Variants in RBFOX1 observed in about 807,000 individuals in gnomAD.
RBFOX1 encodes RNA binding protein fox-1 homolog 1.
A neutral mutation model predicts 57.7 loss-of-function variants in RBFOX1; 8 were observed. That is an observed-to-expected ratio of 0.14 (90% confidence interval 0.08 to 0.25). The LOEUF (loss-of-function observed/expected upper bound fraction) is 0.25, where lower values mean the gene tolerates loss of function less well. Among genes scored for constraint, RBFOX1 ranks in the 10% least tolerant of loss-of-function variants. The probability of loss-of-function intolerance (pLI) is 1.00; values close to 1 mark genes in which losing one functional copy is unlikely to be tolerated. For synonymous variants in RBFOX1, 326 were observed against 222.4 expected, an observed-to-expected ratio of 1.47 and a Z score of -4.15; for missense variants, 611 against 548.5, an observed-to-expected ratio of 1.11 and a Z score of -1.14.
intron 4 of RBFOX1, among the ~76,000 whole-genome samples, chr16:7,399,263 C>T (rs2098195704): frequency 6.6e-6 from 1 of 151,480 alleles, no homozygotes; most frequent in African/African-American, 2.5e-5. Flanking sequence ...GCTTGACCAA[C>T]ACGGAGAAAC....
intron 4 of RBFOX1, among the ~76,000 whole-genome samples, chr16:7,372,387 T>G (rs1596712919): frequency 6.6e-6 from 1 of 152,196 alleles, no homozygotes; most frequent in African/African-American, 2.4e-5. Context: ...GATACTTGCC[T>G]TGGTAATAGG....
At chr16:5,277,365 T>A (rs1484974957) in intron 1 of RBFOX1, among the ~76,000 whole-genome samples, 1 of 152,160 alleles carries the variant, frequency 6.6e-6, no homozygotes, top group Non-Finnish European at 1.5e-5. Flanking sequence ...GCTCTGGCGA[T>A]GGGTGTGCCA....
intron 3 of RBFOX1, among the ~76,000 whole-genome samples, chr16:6,717,818 A>G (rs2065135598): frequency 6.6e-6 from 1 of 152,160 alleles, no homozygotes; most frequent in Non-Finnish European, 1.5e-5. Context: ...TACTTCAGGC[A>G]TTCTTGTTAT....
chr16:6,811,709 G>C (rs982369015), intron 3 of RBFOX1, among the ~76,000 whole-genome samples: 1 of 152,082 alleles, frequency 6.6e-6, no homozygotes, highest in African/African-American at 2.4e-5. Context: ...GGCCAATATG[G>C]TGAAATCCCA....
chr16:5,525,955 A>C (rs1341673576), intron 2 of RBFOX1, among the ~76,000 whole-genome samples: 1 of 150,936 alleles, frequency 6.6e-6, no homozygotes, highest in African/African-American at 2.5e-5. Flanking sequence ...ATGTGAAGCT[A>C]CTTAGCATGG....
chr16:7,081,120 C>T (rs1008156016), intron 4 of RBFOX1, among the ~76,000 whole-genome samples: 1 of 152,148 alleles, frequency 6.6e-6, no homozygotes, highest in Non-Finnish European at 1.5e-5. Context: ...CTGCAACCTC[C>T]ACCTCCCAGG....
At chr16:6,445,830 C>G (rs1295354969) in intron 2 of RBFOX1, among the ~76,000 whole-genome samples, 1 of 152,196 alleles carries the variant, frequency 6.6e-6, no homozygotes, top group East Asian at 1.9e-4. Flanking sequence ...ATCTGCCCTC[C>G]TCAGCCTCCC....
intron 3 of RBFOX1, among the ~76,000 whole-genome samples, chr16:6,896,153 A>G (rs1387326601): frequency 6.6e-6 from 1 of 152,086 alleles, no homozygotes; most frequent in Non-Finnish European, 1.5e-5. Context: ...GGTGTCTGTA[A>G]TCCCAGCTAC....
intron 3 of RBFOX1, among the ~76,000 whole-genome samples, chr16:5,713,031 G>C (rs929987915): frequency 6.6e-6 from 1 of 152,200 alleles, no homozygotes; most frequent in Non-Finnish European, 1.5e-5. Flanking sequence ...ACTTTAGCCA[G>C]TGAGAGGTAA....
chr16:6,696,150 G>A (rs144737148), intron 3 of RBFOX1, among the ~76,000 whole-genome samples: 115 of 152,270 alleles, frequency 7.6e-4, no homozygotes, highest in African/African-American at 2.6e-3. Flanking sequence ...GCGTGTTTTT[G>A]TAGAATGAGG....
intron 3 of RBFOX1, among the ~76,000 whole-genome samples, chr16:6,691,993 C>T (rs1452549920): frequency 6.6e-6 from 1 of 152,140 alleles, no homozygotes; most frequent in East Asian, 1.9e-4. Context: ...GGATTTTTCC[C>T]CTACAGCTTT....
At chr16:5,826,007 C>T (rs960025522) in intron 3 of RBFOX1, among the ~76,000 whole-genome samples, 4 of 124,828 alleles carry the variant, frequency 3.2e-5, no homozygotes, top group South Asian at 2.6e-4. Context: ...AATAATATTC[C>T]GTAATATGAA....
intron 3 of RBFOX1, among the ~76,000 whole-genome samples, chr16:6,829,782 A>G (rs1168887622): frequency 6.6e-6 from 1 of 151,946 alleles, no homozygotes; most frequent in Admixed American, 6.6e-5. Flanking sequence ...TTGCATTTGT[A>G]GTAGAAATAG....
intron 3 of RBFOX1, among the ~76,000 whole-genome samples, chr16:6,927,550 T>C (rs1191265232): frequency 1.3e-5 from 2 of 152,096 alleles, no homozygotes; most frequent in Non-Finnish European, 2.9e-5. Flanking sequence ...TGTTTTGTTT[T>C]GTTTTTCGTT....
intron 3 of RBFOX1, among the ~76,000 whole-genome samples, chr16:6,701,274 G>T (rs186769171): frequency 2.6e-5 from 4 of 152,308 alleles, no homozygotes; most frequent in African/African-American, 4.8e-5. Context: ...AGCTGACGCA[G>T]GCCCTGAAGG....
chr16:7,621,155 C>T (rs2142024998), intron 10 of RBFOX1, among the ~76,000 whole-genome samples: 2 of 152,180 alleles, frequency 1.3e-5, no homozygotes, highest in Middle Eastern at 3.4e-3. Flanking sequence ...TATATTGACA[C>T]CTATAACTTT....
At chr16:7,120,179 C>G (rs547521719) in intron 4 of RBFOX1, among the ~76,000 whole-genome samples, 1 of 151,844 alleles carries the variant, frequency 6.6e-6, no homozygotes, top group African/African-American at 2.4e-5. Flanking sequence ...TGGTGGGAAG[C>G]GAAAGCAGTG....
chr16:5,654,832 C>T (rs150211829), intron 3 of RBFOX1, among the ~76,000 whole-genome samples: 9 of 151,638 alleles, frequency 5.9e-5, no homozygotes, highest in African/African-American at 2.2e-4. Flanking sequence ...CCCACTCTCT[C>T]CTTCCCTCGT....
chr16:6,461,333 CT>C (rs1233669151), intron 2 of RBFOX1, among the ~76,000 whole-genome samples: 1 of 152,152 alleles, frequency 6.6e-6, no homozygotes, highest in African/African-American at 2.4e-5. Flanking sequence ...TTCCTTTTAA[CT>C]TAATTAACTC....
Sources: gnomAD v4.1 joint callset for allele counts (sites outside exome capture counted in the v4.1 genomes callset) on GRCh38, gnomAD v4.1.1 for gene constraint, MANE v1.5 for transcripts, NCBI Gene and HGNC (gene_info 2026-07-23, HGNC 2026-07-21) for gene names.